The following ZUP1 variants were observed in gnomAD, a reference collection of about 807,000 sequenced individuals.
ZUP1 encodes zinc finger containing ubiquitin peptidase 1, also known as zinc finger-containing ubiquitin peptidase 1.
A neutral mutation model predicts 68.1 loss-of-function variants in ZUP1; 55 were observed. The ratio of observed to expected loss-of-function variants is 0.81; its 90% CI spans 0.65 to 1.01. The LOEUF is 1.01. ZUP1 is among the 50% of genes least tolerant of loss of function. The pLI is 0.00. For missense variants in ZUP1, 684 were observed against 674.9 expected, an observed-to-expected ratio of 1.01 and a Z score of -0.15; for synonymous variants, 223 against 221.5, an observed-to-expected ratio of 1.01 and a Z score of -0.06.
chr6:116,654,355 T>C (rs1181164919), intron 5 of ZUP1, among the ~76,000 whole-genome samples: 1 of 152,004 alleles, frequency 6.6e-6, no homozygotes, highest in African/African-American at 2.4e-5. Context: ...ATGTACTTGC[T>C]ATAAGGACTG....
intron 7 of ZUP1, among the ~76,000 whole-genome samples, chr6:116,651,166 G>GA (rs757420315): frequency 1.5e-4 from 23 of 152,098 alleles, no homozygotes; most frequent in Non-Finnish European, 2.6e-4. Context: ...AATGATTTTA[G>GA]AAAAAATCAG....
intron 4 of ZUP1, among the ~76,000 whole-genome samples, chr6:116,658,539 T>A (rs1776736715): frequency 6.6e-6 from 1 of 152,152 alleles, no homozygotes; most frequent in Admixed American, 6.5e-5. Flanking sequence ...ATTCTCTGTC[T>A]CCATTTCTTC....
chr6:116,637,308 T>G (rs1485818282), intron 9 of ZUP1, among the ~76,000 whole-genome samples: 4 of 152,222 alleles, frequency 2.6e-5, no homozygotes, highest in Non-Finnish European at 5.9e-5. Context: ...GTGTCTACTT[T>G]ATAGGGCTGT....
intron 9 of ZUP1, among the ~76,000 whole-genome samples, chr6:116,639,469 C>T (rs527271026): frequency 6.6e-6 from 1 of 152,302 alleles, no homozygotes; most frequent in South Asian, 2.1e-4. Context: ...CCTCACACGG[C>T]CGGGTACTCC....
Position 116,645,722 on chromosome 6 carries a change from C to G in ZUP1, c.1681G>C (p.Glu561Gln). ...LAVEGALSLEEKLARRQASQV... is the reference protein window; with the variant it reads ...LAVEGALSLEQKLARRQASQV... ...AATATTTAGATACTTACAAGTTTCTCCTCTAGAGAAAGAGCACCCTCTACT... is the reference window on the plus strand; with the variant it reads ...AATATTTAGATACTTACAAGTTTCTGCTCTAGAGAAAGAGCACCCTCTACT... Residue 561 changes from glutamate to glutamine, a missense_variant, in exon 9 of 10, where the codon GAG (glutamate) becomes CAG (glutamine). By Grantham distance (29) the Glu-to-Gln change is conservative. Transcript: ENST00000368576. 1 of 1,607,548 alleles carries G rather than the reference C, an allele frequency of 6.2e-7. No individual in the cohort carries two copies. Among genetic ancestry groups the G allele is most frequent in the Non-Finnish European group, 8.5e-7 (1 of 1,177,534 alleles).
intron 2 of ZUP1, among the ~76,000 whole-genome samples, chr6:116,663,506 ATGT>A (rs1373154424): frequency 1.3e-5 from 2 of 152,218 alleles, no homozygotes; most frequent in Non-Finnish European, 2.9e-5. Flanking sequence ...CTTACAGGAA[ATGT>A]TGTGTCAGCA....
chr6:116,644,436 A>G (rs1402798513), intron 9 of ZUP1, among the ~76,000 whole-genome samples: 1 of 152,190 alleles, frequency 6.6e-6, no homozygotes, highest in Non-Finnish European at 1.5e-5. Context: ...CTTGGAACCA[A>G]CCCAAATGTC....
chr6:116,662,614 T>C (rs1484406808), intron 2 of ZUP1, among the ~76,000 whole-genome samples: 1 of 152,178 alleles, frequency 6.6e-6, no homozygotes, highest in Non-Finnish European at 1.5e-5. Flanking sequence ...CCCTCAGAAA[T>C]ACCATCGGTC....
In ZUP1 at chr6:116,645,954, T is replaced by C; in HGVS notation, c.1469-20A>G. ...TGTGACCTATCAAAAGATTTTTAAG[T>C]TATACATACGTCACATCTATTTACA... On this transcript the variant is annotated intron_variant, in intron 8 of 9. Coordinates refer to ENST00000368576, the MANE Select transcript of ZUP1 (RefSeq NM_145062.3). The C allele has an allele frequency of 6.4e-7, 1 of 1,551,922 alleles. No individual in the cohort carries two copies. Among genetic ancestry groups the C allele is most frequent in the Non-Finnish European group, 8.9e-7 (1 of 1,128,732 alleles).
At chr6:116,648,811 A>C (rs933816400) in intron 7 of ZUP1, among the ~76,000 whole-genome samples, 1 of 150,336 alleles carries the variant, frequency 6.7e-6, no homozygotes, top group Non-Finnish European at 1.5e-5. Context: ...AAAATGCAGA[A>C]AAAAAAAAAT....
intron 3 of ZUP1, among the ~76,000 whole-genome samples, chr6:116,659,449 G>C (rs1385952745): frequency 6.6e-6 from 1 of 152,016 alleles, no homozygotes; most frequent in East Asian, 1.9e-4. Context: ...GTTTAAAGCT[G>C]TGACAAGCAC....
chr6:116,666,033 G>C (rs1450879875), intron 2 of ZUP1, among the ~76,000 whole-genome samples: 1 of 152,076 alleles, frequency 6.6e-6, no homozygotes, highest in Non-Finnish European at 1.5e-5. Context: ...TATAATCAGG[G>C]ATTTCAACAA....
rs762361139 is a variant in ZUP1, at chr6:116,649,383, T to C, written c.1317-1773A>G. On this transcript the variant is annotated intron_variant, in intron 7 of 9. Transcript: ENST00000368576. ...GACATAATACTGAAGGAAAAAATGA[T>C]TTAAACACCCAAGGACAAAGAGAAT... Among the ~76,000 whole-genome samples, 7 of 151,972 alleles carry C rather than the reference T, an allele frequency of 4.6e-5. No homozygotes were observed. The East Asian group carries it at 7.7e-4, about 17-fold the overall frequency.
At chr6:116,648,549 C>T (rs909971160) in intron 7 of ZUP1, among the ~76,000 whole-genome samples, 1 of 152,114 alleles carries the variant, frequency 6.6e-6, no homozygotes, top group African/African-American at 2.4e-5. Flanking sequence ...AAACAGTACC[C>T]TACAGGATAT....
intron 2 of ZUP1, among the ~76,000 whole-genome samples, chr6:116,664,475 A>G (rs1776939439): frequency 6.6e-6 from 1 of 152,110 alleles, no homozygotes; most frequent in Non-Finnish European, 1.5e-5. Flanking sequence ...AAAGGATACA[A>G]AAGATGACCT....
chr6:116,637,802 C>T, intron 9 of ZUP1, among the ~76,000 whole-genome samples: 1 of 152,220 alleles, frequency 6.6e-6, no homozygotes, highest in Admixed American at 6.5e-5. Flanking sequence ...GTGGCTCACG[C>T]CTGTAATCCC....
Position 116,645,711 on chromosome 6 carries a change from T to A in ZUP1, c.1689+3A>T. The A allele has an allele frequency of 6.3e-7, 1 of 1,592,528 alleles. No homozygotes were observed. Among genetic ancestry groups the A allele is most frequent in the African/African-American group, 1.4e-5 (1 of 73,964 alleles). ...CTTCACATATAAATATTTAGATACT[T>A]ACAAGTTTCTCCTCTAGAGAAAGAG... On this transcript the variant is annotated splice_donor_region_variant and intron_variant, in intron 9 of 9. Coordinates refer to ENST00000368576, the MANE Select transcript of ZUP1 (RefSeq NM_145062.3).
Position 116,651,890 on chromosome 6 carries a change from G to T in ZUP1, c.1150+114C>A, listed in dbSNP as rs1457329006. The T allele has an allele frequency of 2.1e-6, 3 of 1,412,836 alleles. No homozygotes were observed. In the African/African-American group the frequency reaches 4.3e-5, roughly 20 times the overall value. The allele number at this position is 1,412,836 out of a possible 1,614,324, so 87.5% of individuals were successfully genotyped here. The stretch of plus-strand genomic sequence containing the variant: ...TTCTCTTCCTCTAACCAGAATTCAG[G>T]TTTCTTATATAAATATCCACTAACT... On this transcript the variant is annotated intron_variant, in intron 6 of 9. Transcript: ENST00000368576.
At chr6:116,660,698 AT>A (rs1776807880) in intron 3 of ZUP1, 37 bp downstream of exon 3, 2 of 1,205,788 alleles carry the variant, frequency 1.7e-6, no homozygotes, top group Non-Finnish European at 2.4e-6. Flanking sequence ...GAAAGTAGAA[AT>A]TAAATGATAT....
Sources: gnomAD v4.1 joint callset for allele counts (sites outside exome capture counted in the v4.1 genomes callset) on GRCh38, gnomAD v4.1.1 for gene constraint, MANE v1.5 for transcripts, NCBI Gene and HGNC (gene_info 2026-07-23, HGNC 2026-07-21) for gene names.